CATSPERT: variants seen among roughly 807,000 people sequenced by gnomAD.
The protein encoded by CATSPERT is cation channel sperm-associated targeting subunit tau.
At chr2:201,490,028 T>TGTACTTTTAGTAGA in the CATSPERT span, among the ~76,000 whole-genome samples, 1 of 152,142 alleles carries the variant, frequency 6.6e-6, no homozygotes, top group Non-Finnish European at 1.5e-5. Context: ...AGCTAATTTT[T>TGTACTTTTAGTAGA]GTACTTTTAG....
the CATSPERT span, chr2:201,574,370 T>G: frequency 1.9e-6 from 2 of 1,049,386 alleles, no homozygotes; most frequent in East Asian, 2.7e-5. Context: ...AATCTGTAAG[T>G]TAGAAAAGCC....
At chr2:201,528,080 A>G in the CATSPERT span, among the ~76,000 whole-genome samples, 1 of 129,908 alleles carries the variant, frequency 7.7e-6, no homozygotes, top group African/African-American at 2.6e-5. Context: ...AAAAAAAAAA[A>G]AACATTAAAA....
At chr2:201,555,094 TTAATA>T in the CATSPERT span, 4 of 152,240 alleles carry the variant, frequency 2.6e-5, no homozygotes, top group African/African-American at 9.6e-5. Context: ...TTAGCAGGCT[TTAATA>T]TAATACGAAT....
the CATSPERT span, among the ~76,000 whole-genome samples, chr2:201,584,263 G>A: frequency 6.6e-6 from 1 of 151,868 alleles, no homozygotes; most frequent in Admixed American, 6.6e-5. Flanking sequence ...GCACTCCAGT[G>A]TGGGTGACAG....
chr2:201,589,597 A>T, the CATSPERT span, among the ~76,000 whole-genome samples: 8 of 152,284 alleles, frequency 5.3e-5, no homozygotes, highest in Non-Finnish European at 1.0e-4. Context: ...CATATACAAA[A>T]ATTCACTCAA....
At chr2:201,491,435 A>G in the CATSPERT span, 1 of 1,537,026 alleles carries the variant, frequency 6.5e-7, no homozygotes, top group Non-Finnish European at 8.7e-7. Flanking sequence ...AACTTGGCAC[A>G]TTTTTCACTG....
At chr2:201,603,099 G>A in the CATSPERT span, 1 of 761,668 alleles carries the variant, frequency 1.3e-6, no homozygotes, top group African/African-American at 1.8e-5. Flanking sequence ...ATGAACAGTA[G>A]TGATTGATGA....
chr2:201,563,026 T>A, the CATSPERT span, among the ~76,000 whole-genome samples: 2 of 146,160 alleles, frequency 1.4e-5, no homozygotes, highest in Non-Finnish European at 3.0e-5. Context: ...CAATGAGCTG[T>A]TGGGCACACC....
At chr2:201,501,671 A>G in the CATSPERT span, among the ~76,000 whole-genome samples, 1 of 152,196 alleles carries the variant, frequency 6.6e-6, no homozygotes, top group South Asian at 2.1e-4. Flanking sequence ...TTAAGAAAAA[A>G]AGAAAGACTC....
At chr2:201,510,001 T>C in the CATSPERT span, among the ~76,000 whole-genome samples, 1 of 150,880 alleles carries the variant, frequency 6.6e-6, no homozygotes, top group Non-Finnish European at 1.5e-5. Flanking sequence ...TTATTTTAAA[T>C]AGGAAATACA....
chr2:201,604,132 G>GGT, the CATSPERT span, among the ~76,000 whole-genome samples: 67 of 138,448 alleles, frequency 4.8e-4, no homozygotes, highest in South Asian at 1.6e-3. Flanking sequence ...CCCTCTGTGT[G>GGT]GTGTGTGTGT....
the CATSPERT span, among the ~76,000 whole-genome samples, chr2:201,611,075 C>T: frequency 6.6e-6 from 1 of 152,084 alleles, no homozygotes; most frequent in African/African-American, 2.4e-5. Flanking sequence ...GACAAGAATG[C>T]CCACTTTCAC....
the CATSPERT span, chr2:201,491,526 GTTA>G: frequency 6.5e-7 from 1 of 1,535,400 alleles, no homozygotes; most frequent in Non-Finnish European, 8.7e-7. Flanking sequence ...TTTTATTATT[GTTA>G]TTATTTCCTT....
chr2:201,611,106 C>A, the CATSPERT span, among the ~76,000 whole-genome samples: 1 of 151,936 alleles, frequency 6.6e-6, no homozygotes, highest in African/African-American at 2.4e-5. Context: ...AAAGTCCCAG[C>A]CAGAGTAATC....
chr2:201,546,893 A>C, the CATSPERT span, among the ~76,000 whole-genome samples: 1 of 152,178 alleles, frequency 6.6e-6, no homozygotes, highest in Non-Finnish European at 1.5e-5. Context: ...TCAGCTGAGG[A>C]ATGCATAAAC....
the CATSPERT span, chr2:201,565,705 A>T: frequency 2.6e-5 from 35 of 1,345,916 alleles, no homozygotes; most frequent in African/African-American, 2.8e-4. Context: ...GCTCTTTTGA[A>T]TTTTTTTTTT....
chr2:201,581,298 G>A, the CATSPERT span, among the ~76,000 whole-genome samples: 3 of 150,572 alleles, frequency 2.0e-5, no homozygotes, highest in African/African-American at 7.3e-5. Context: ...CCCAGATAGT[G>A]GGGAGGCTGA....
the CATSPERT span, among the ~76,000 whole-genome samples, chr2:201,593,827 T>C: frequency 3.8e-3 from 573 of 150,754 alleles, 3 homozygotes; most frequent in Admixed American, 6.7e-3. Flanking sequence ...TTTCCATTTG[T>C]TTGGTAGATC....
chr2:201,611,314 G>GA, the CATSPERT span, among the ~76,000 whole-genome samples: 1 of 152,084 alleles, frequency 6.6e-6, no homozygotes, highest in Non-Finnish European at 1.5e-5. Context: ...TCAGTAACAG[G>GA]AAATTTGGAA....
Sources: allele counts gnomAD v4.1 joint callset (sites outside exome capture counted in the v4.1 genomes callset), GRCh38; gene constraint gnomAD v4.1.1; transcripts MANE v1.5; gene names NCBI Gene and HGNC (gene_info 2026-07-23, HGNC 2026-07-21).